The following NECTIN1 variants were observed in gnomAD, a reference collection of about 807,000 sequenced individuals.
NECTIN1 encodes nectin-1.
A neutral mutation model predicts 48.0 loss-of-function variants in NECTIN1; 23 were observed. The ratio of observed to expected loss-of-function variants is 0.48; its 90% CI spans 0.34 to 0.68. NECTIN1 has a LOEUF of 0.68. Among genes scored for constraint, NECTIN1 ranks in the 30% least tolerant of loss-of-function variants. NECTIN1 has a pLI of 0.01. For missense variants in NECTIN1, 591 were observed against 709.9 expected, an observed-to-expected ratio of 0.83 and a Z score of 1.90; for synonymous variants, 270 against 288.9, an observed-to-expected ratio of 0.93 and a Z score of 0.66.
chr11:119,695,415 G>T (rs918379890), intron 1 of NECTIN1, among the ~76,000 whole-genome samples: 2 of 151,682 alleles, frequency 1.3e-5, no homozygotes, highest in African/African-American at 4.8e-5. Flanking sequence ...CACAGCACCT[G>T]GCTCCTTGCT....
intron 1 of NECTIN1, 83 bp downstream of exon 1, chr11:119,728,392 A>T: frequency 3.7e-6 from 5 of 1,363,228 alleles, no homozygotes; most frequent in Non-Finnish European, 5.1e-6. Flanking sequence ...CACTCCCCAC[A>T]ATCCAGTCGT....
At chr11:119,721,087 G>A (rs759273837) in intron 1 of NECTIN1, among the ~76,000 whole-genome samples, 2 of 152,212 alleles carry the variant, frequency 1.3e-5, no homozygotes, top group East Asian at 3.9e-4. Flanking sequence ...CTGGTGCTAG[G>A]GCGTATATCT....
intron 1 of NECTIN1, among the ~76,000 whole-genome samples, chr11:119,728,106 G>A (rs1565407387): frequency 6.6e-6 from 1 of 152,264 alleles, no homozygotes; most frequent in Admixed American, 6.5e-5. Flanking sequence ...CCCACCCCAA[G>A]ACGGTGATTA....
At chr11:119,686,389 G>A (rs530438351) in intron 1 of NECTIN1, among the ~76,000 whole-genome samples, 2 of 152,158 alleles carry the variant, frequency 1.3e-5, no homozygotes, top group South Asian at 4.2e-4. Flanking sequence ...CCTTGTCCAG[G>A]CCAACATCAT....
chr11:119,686,688 C>G (rs1014225539), intron 1 of NECTIN1, among the ~76,000 whole-genome samples: 1 of 152,132 alleles, frequency 6.6e-6, no homozygotes, highest in Non-Finnish European at 1.5e-5. Flanking sequence ...CGGCGAAAAC[C>G]GCACCACTCC....
chr11:119,702,240 G>A (rs140836753), intron 1 of NECTIN1, among the ~76,000 whole-genome samples: 1 of 152,292 alleles, frequency 6.6e-6, no homozygotes, highest in African/African-American at 2.4e-5. Flanking sequence ...AGCAACCAAG[G>A]CATTAACCTT....
rs66955603 is a variant in NECTIN1, at chr11:119,683,573, GGT to G, written c.80-4810_80-4809del. ...AGAAACAGGGGCTTTGGGGATCCCG[GGT>G]GTGTGTGTGTGTGTGTGTGTGTGTG... On this transcript the variant is annotated intron_variant, in intron 1 of 5. Transcript: ENST00000264025. The surrounding 1 kb of genome is among the most constrained non-coding windows in gnomAD (Gnocchi z 4.0). Among the ~76,000 whole-genome samples, 2,481 of 143,468 alleles carry G rather than the reference GGT, an allele frequency of 0.017. 45 individuals carry two copies. Among genetic ancestry groups the G allele is most frequent in the East Asian group, 0.059 (288 of 4,842 alleles). 94.1% of individuals were successfully genotyped at this position (143,468 alleles called of 152,430 possible). A position where few individuals can be genotyped will look rare whatever the true frequency, so the allele number is the denominator to read the frequency against.
rs1483496446 is a variant in NECTIN1, at chr11:119,727,277, T to C, written c.79+1198A>G. Among the ~76,000 whole-genome samples the C allele has an allele frequency of 2.0e-5, 3 of 152,192 alleles. No homozygotes were observed. Among genetic ancestry groups the C allele is most frequent in the Admixed American group, 6.5e-5 (1 of 15,286 alleles). ...CCTGGCCATTCTGCGGCAAAGCACA[T>C]TGCAGGAACTCGGGATCTAATATTC... On this transcript the variant is annotated intron_variant, in intron 1 of 5. Transcript: ENST00000264025. This position sits in a 1 kb window ranked among gnomAD's most constrained non-coding sequence, Gnocchi z 4.1.
intron 5 of NECTIN1, chr11:119,674,755 A>C (rs1236204205): frequency 5.6e-6 from 9 of 1,599,206 alleles, no homozygotes; most frequent in Non-Finnish European, 7.7e-6. Context: ...TTTCTGGCCC[A>C]TGAAGAGGTC....
intron 4 of NECTIN1, chr11:119,675,567 C>A: frequency 4.7e-6 from 2 of 425,136 alleles, no homozygotes; most frequent in Non-Finnish European, 8.6e-6. Context: ...CAGATGAAAC[C>A]TGAGGTTCAA....
intron 4 of NECTIN1, chr11:119,675,697 C>T (rs139977630): frequency 8.3e-6 from 2 of 240,922 alleles, no homozygotes; most frequent in Non-Finnish European, 1.7e-5. Context: ...CCTTGGTCTC[C>T]TGGGCAGCTG....
At chr11:119,643,064 C>T (rs950348397) in intron 5 of NECTIN1, 2 of 153,710 alleles carry the variant, frequency 1.3e-5, no homozygotes, top group African/African-American at 4.8e-5. Flanking sequence ...GTGGGCAAGG[C>T]CTCACACGTG....
In NECTIN1 at chr11:119,678,852, T is replaced by C; in HGVS notation, c.80-87A>G. 1.2e-6 allele frequency: 1 copy of C among 861,230 alleles called. No individual in the cohort carries two copies. The highest frequency in any genetic ancestry group is 1.9e-6 in the Non-Finnish European group (1 of 521,430). 53.3% of individuals were successfully genotyped at this position (861,230 alleles called of 1,614,324 possible). ...TTCCCTGTGCTCTGGCCTTGTCTTTTATAGCAGTCATTATTGTTTTTATTC... is the reference window on the plus strand; with the variant it reads ...TTCCCTGTGCTCTGGCCTTGTCTTTCATAGCAGTCATTATTGTTTTTATTC... On this transcript the variant is annotated intron_variant, in intron 1 of 5. Coordinates refer to ENST00000264025, the MANE Select transcript of NECTIN1 (RefSeq NM_002855.5). The surrounding 1 kb of genome is among the most constrained non-coding windows in gnomAD (Gnocchi z 4.4).
At position 119,678,626 on chromosome 11, in the gene NECTIN1, G is replaced by C. The variant is rs1865004756; in HGVS notation, c.219C>G (p.Gly73=). ...TGTAGATGGCCACGTTCTGCTTGGA[G>C]CCATTGGTGGACTTCTGCCATGTGA... ...TQVTWQKSTN[G]SKQNVAIYNP... Residue 73 remains glycine (G), a synonymous_variant, in exon 2 of 6, where the codon GGC becomes GGG. Coordinates refer to ENST00000264025, the MANE Select transcript of NECTIN1 (RefSeq NM_002855.5). This position sits in a 1 kb window ranked among gnomAD's most constrained non-coding sequence, Gnocchi z 4.4. The C allele has an allele frequency of 3.7e-6, 6 of 1,614,176 alleles. No individual in the cohort carries two copies. The highest frequency in any genetic ancestry group is 1.1e-5 in the South Asian group (1 of 91,080).
intron 1 of NECTIN1, among the ~76,000 whole-genome samples, chr11:119,698,376 A>G (rs560702119): frequency 6.6e-6 from 1 of 152,364 alleles, no homozygotes; most frequent in African/African-American, 2.4e-5. Context: ...GGTCTTCAGC[A>G]TATGAGATTC....
chr11:119,658,509 G>A (rs898599332), downstream of NECTIN1, among the ~76,000 whole-genome samples: 5 of 152,154 alleles, frequency 3.3e-5, no homozygotes, highest in East Asian at 1.9e-4. Context: ...TGTGGGCACC[G>A]GTACAGAGGT....
intron 5 of NECTIN1, chr11:119,640,233 G>C (rs1350207910): frequency 1.7e-6 from 1 of 584,554 alleles, no homozygotes. Flanking sequence ...CCCACACCCT[G>C]CTCTGATCCT....
At chr11:119,700,958 A>C (rs1390706044) in intron 1 of NECTIN1, among the ~76,000 whole-genome samples, 2 of 152,120 alleles carry the variant, frequency 1.3e-5, no homozygotes, top group Admixed American at 1.3e-4. Flanking sequence ...CCTTGAACTT[A>C]CACCCAGGAA....
chr11:119,689,259 C>T (rs978620602), intron 1 of NECTIN1, among the ~76,000 whole-genome samples: 2 of 152,200 alleles, frequency 1.3e-5, no homozygotes, highest in African/African-American at 4.8e-5. Context: ...CCTGGCTTTT[C>T]TTTGAACATA....
Sources: gnomAD v4.1 joint callset for allele counts (sites outside exome capture counted in the v4.1 genomes callset) on GRCh38, gnomAD v4.1.1 for gene constraint, Gnocchi (gnomAD v3.1) non-coding constraint, MANE v1.5 for transcripts, NCBI Gene and HGNC (gene_info 2026-07-23, HGNC 2026-07-21) for gene names.